Variants in CACNA1E observed in about 807,000 individuals in gnomAD.
CACNA1E encodes voltage-dependent R-type calcium channel subunit alpha-1E.
A neutral mutation model predicts 259.2 loss-of-function variants in CACNA1E; 40 were observed. That is an observed-to-expected ratio of 0.15 (90% CI 0.12 to 0.20). CACNA1E has a LOEUF of 0.20. CACNA1E is among the 10% of genes least tolerant of loss of function. CACNA1E has a pLI of 1.00. For missense variants in CACNA1E, 1,874 were observed against 3,040.1 expected (o/e 0.62, Z 9.02); for synonymous variants, 1,104 against 1,138.5 (o/e 0.97, Z 0.61).
At chr1:181,719,576 G>T (rs568551137) in intron 12 of CACNA1E, among the ~76,000 whole-genome samples, 175 bp from the exon 13 acceptor site, 1 of 152,214 alleles carries the variant, frequency 6.6e-6, no homozygotes, top group Non-Finnish European at 1.5e-5. Flanking sequence ...AGAGCAATGG[G>T]AGAGAGGTGG....
chr1:181,644,202 A>G (rs1461517330), intron 6 of CACNA1E, among the ~76,000 whole-genome samples: 2 of 151,616 alleles, frequency 1.3e-5, no homozygotes, highest in Non-Finnish European at 2.9e-5. Flanking sequence ...TATGGGTAGG[A>G]TTGCTTTTAA....
chr1:181,383,957 G>T (rs185151118), intron 1 of CACNA1E, among the ~76,000 whole-genome samples: 2 of 152,386 alleles, frequency 1.3e-5, no homozygotes, highest in Non-Finnish European at 2.9e-5. Context: ...CCACGGTGAT[G>T]CAACTTTCCA....
intron 1 of CACNA1E, among the ~76,000 whole-genome samples, chr1:181,393,143 G>A (rs1051013877): frequency 1.3e-5 from 2 of 152,224 alleles, no homozygotes; most frequent in Non-Finnish European, 2.9e-5. Context: ...CTTTCATGCT[G>A]AAATGTGTTT....
chr1:181,478,220 A>G (rs1662989638), intron 2 of CACNA1E, among the ~76,000 whole-genome samples: 1 of 152,240 alleles, frequency 6.6e-6, no homozygotes, highest in African/African-American at 2.4e-5. Context: ...ATGGGTTGTC[A>G]TAAATGAATG....
intron 6 of CACNA1E, among the ~76,000 whole-genome samples, chr1:181,612,545 G>A (rs546460797): frequency 6.6e-6 from 1 of 152,332 alleles, no homozygotes; most frequent in Non-Finnish European, 1.5e-5. Flanking sequence ...AGTTTACTCA[G>A]GAAAGCCTCT....
chr1:181,482,694 G>A (rs961901341), upstream of CACNA1E, among the ~76,000 whole-genome samples: 8 of 152,262 alleles, frequency 5.3e-5, no homozygotes, highest in African/African-American at 1.9e-4. Context: ...CTCCGCCGAG[G>A]GCGCTGCCTG....
intron 1 of CACNA1E, among the ~76,000 whole-genome samples, chr1:181,398,695 C>T (rs1321128570): frequency 6.6e-6 from 1 of 152,226 alleles, no homozygotes; most frequent in African/African-American, 2.4e-5. Context: ...ATTGCTCTGT[C>T]ACCCCCACCC....
intron 2 of CACNA1E, among the ~76,000 whole-genome samples, chr1:181,471,859 C>G (rs1270046688): frequency 6.6e-6 from 1 of 151,860 alleles, no homozygotes; most frequent in Non-Finnish European, 1.5e-5. Flanking sequence ...TACATATCAA[C>G]AATCTCAGTA....
Position 181,431,126 on chromosome 1 carries a change from AG to A in CACNA1E, c.434+17547del, listed in dbSNP as rs367890794. On this transcript the variant is annotated intron_variant, in intron 2 of 11. Coordinates refer to the CACNA1E transcript ENST00000524607. ...AAAATGTTTAAAAAATAAAAAAAAA[AG>A]AATTCAAATTGTGCAAGTAAAACAA... Among the ~76,000 whole-genome samples, 264 of 151,950 alleles carry A rather than the reference AG, an allele frequency of 1.7e-3. 3 individuals are homozygous for A. Among genetic ancestry groups the A allele is most frequent in the East Asian group, 0.015 (79 of 5,178 alleles).
intron 7 of CACNA1E, among the ~76,000 whole-genome samples, chr1:181,680,105 CAAAAAAAAA>C (rs56198008): frequency 5.1e-5 from 4 of 78,502 alleles, no homozygotes; most frequent in East Asian, 6.3e-4. Flanking sequence ...GACCTTGTCT[CAAAAAAAAA>C]AAAAAAAAAA....
chr1:181,515,737 G>A (rs1197297640), intron 3 of CACNA1E, among the ~76,000 whole-genome samples: 1 of 152,210 alleles, frequency 6.6e-6, no homozygotes, highest in Non-Finnish European at 1.5e-5. Context: ...GGGAGGATGA[G>A]AGTCAAGGGT....
intron 1 of CACNA1E, among the ~76,000 whole-genome samples, chr1:181,494,987 G>A (rs961005362): frequency 3.3e-5 from 5 of 152,116 alleles, no homozygotes; most frequent in Admixed American, 6.5e-5. Context: ...AATATTGTAC[G>A]CGATATTCTT....
At chr1:181,643,002 C>G (rs1433048345) in intron 6 of CACNA1E, among the ~76,000 whole-genome samples, 2 of 151,948 alleles carry the variant, frequency 1.3e-5, no homozygotes, top group Non-Finnish European at 2.9e-5. Context: ...CCCCTCACTC[C>G]CCCCACAGGT....
chr1:181,562,287 C>T (rs538756376), intron 3 of CACNA1E, among the ~76,000 whole-genome samples: 2 of 152,288 alleles, frequency 1.3e-5, no homozygotes, highest in East Asian at 3.9e-4. Flanking sequence ...CTCTTCAAAA[C>T]CATTGCACCA....
chr1:181,757,936 C>A lies in CACNA1E; in HGVS notation c.4330-11C>A, dbSNP rs376671167. The A allele has an allele frequency of 4.3e-6, 7 of 1,613,264 alleles. No individual in the cohort carries two copies. The highest frequency in any genetic ancestry group is 2.7e-5 in the African/African-American group (2 of 74,928). On this transcript the variant is annotated splice_polypyrimidine_tract_variant and intron_variant, in intron 30 of 47. Transcript: ENST00000367573. ...TTTGAATTTGTGCTAATAACCATGACTTTCTTGCAGAGGGCGTGCATCGAC... is the reference window on the plus strand; with the variant it reads ...TTTGAATTTGTGCTAATAACCATGAATTTCTTGCAGAGGGCGTGCATCGAC...
intron 1 of CACNA1E, among the ~76,000 whole-genome samples, chr1:181,412,956 T>G (rs1339891922): frequency 6.6e-6 from 1 of 152,234 alleles, no homozygotes; most frequent in African/African-American, 2.4e-5. Flanking sequence ...AGCTCCACTG[T>G]GTGCCAGTTT....
rs1045459741 is a variant in CACNA1E, at chr1:181,801,458, A to G, written c.*2624A>G. On this transcript the variant is annotated 3_prime_UTR_variant, in exon 48 of 48. Coordinates refer to ENST00000367573, the MANE Select transcript of CACNA1E (RefSeq NM_001205293.3). ...ACCTGACTGACCACCTGGGTTTTCT[A>G]TTACCAGTGAATTTCTTTTATTCAC... 2.6e-5 allele frequency: 4 copies of G among 152,194 alleles called. No homozygotes were observed. The highest frequency in any genetic ancestry group is 9.6e-5 in the African/African-American group (4 of 41,452). The allele number at this position is 152,194 out of a possible 1,614,324, so 9.4% of individuals were successfully genotyped here. A position where few individuals can be genotyped will look rare whatever the true frequency, so the allele number is the denominator to read the frequency against.
chr1:181,690,920 A>G (rs768367705), intron 7 of CACNA1E, among the ~76,000 whole-genome samples: 1 of 151,886 alleles, frequency 6.6e-6, no homozygotes, highest in Non-Finnish European at 1.5e-5. Flanking sequence ...TAAAGACTTT[A>G]TCTTGGTGTT....
intron 7 of CACNA1E, among the ~76,000 whole-genome samples, chr1:181,654,601 T>C (rs1659036559): frequency 6.6e-6 from 1 of 152,134 alleles, no homozygotes; most frequent in Admixed American, 6.5e-5. Flanking sequence ...AGGTAAAATA[T>C]TGGATGTATA....
Sources: allele counts gnomAD v4.1 joint callset (sites outside exome capture counted in the v4.1 genomes callset), GRCh38; gene constraint gnomAD v4.1.1; transcripts MANE v1.5; gene names NCBI Gene and HGNC (gene_info 2026-07-23, HGNC 2026-07-21).